Variants in VPS13C observed in about 807,000 individuals in gnomAD.
VPS13C encodes the protein intermembrane lipid transfer protein VPS13C.
VPS13C carries 358 observed loss-of-function variants against 456.8 expected under a neutral mutation model. The ratio of observed to expected loss-of-function variants is 0.78; its 90% CI spans 0.72 to 0.86. VPS13C has a LOEUF of 0.86. VPS13C is among the 40% of genes least tolerant of loss of function. The pLI, the probability that VPS13C is intolerant of heterozygous loss-of-function variation, is 0.00. For synonymous variants in VPS13C, 1,578 were observed against 1,486.7 expected (o/e 1.06, Z -1.41); for missense variants, 4,818 against 4,385.4 (o/e 1.10, Z -2.79).
chr15:61,929,941 G>A (rs373276339), intron 50 of VPS13C, among the ~76,000 whole-genome samples, 193 bp from the exon 51 acceptor site: 3 of 152,014 alleles, frequency 2.0e-5, no homozygotes, highest in East Asian at 3.9e-4. Flanking sequence ...CAAGATATAC[G>A]TTATTAAGCA....
intron 38 of VPS13C, 92 bp from the exon 39 acceptor site, chr15:61,952,072 G>T: frequency 7.0e-7 from 1 of 1,420,386 alleles, no homozygotes; most frequent in South Asian, 1.4e-5. Flanking sequence ...AGTGATATAA[G>T]GAAGAAATTC....
At chr15:61,883,425 T>G (rs1196910142) in intron 68 of VPS13C, among the ~76,000 whole-genome samples, 1 of 152,114 alleles carries the variant, frequency 6.6e-6, no homozygotes, top group Non-Finnish European at 1.5e-5. Flanking sequence ...TTTTATCATT[T>G]AAGTATGGCC....
chr15:62,057,547 A>G (rs2140818558), intron 1 of VPS13C, among the ~76,000 whole-genome samples: 1 of 152,352 alleles, frequency 6.6e-6, no homozygotes, highest in Non-Finnish European at 1.5e-5. Flanking sequence ...AAAGGCAGCA[A>G]AGCTTTACAG....
rs371752162 is a variant in VPS13C at position 61,931,071 on chromosome 15, A to G, written c.6038+19T>C. 2.5e-6 allele frequency: 4 copies of G among 1,613,622 alleles called. No homozygotes were observed. The highest frequency in any genetic ancestry group is 2.2e-5 in the South Asian group (2 of 91,062). ...ATGTCAACCTTAAATAATGTATTGC[A>G]AACTCAGAGCTGACAAACCTCGATG... On this transcript the variant is annotated intron_variant, in intron 50 of 84. Transcript: ENST00000644861.
intron 59 of VPS13C, 65 bp from the exon 60 acceptor site, chr15:61,917,700 A>T: frequency 6.6e-7 from 1 of 1,520,954 alleles, no homozygotes; most frequent in Non-Finnish European, 8.9e-7. Flanking sequence ...GCATCTCATT[A>T]AATCTTCCTG....
At position 62,043,976 on chromosome 15, in the gene VPS13C, GTCAAATTAGATCAACGAAAAACAC is replaced by G. The variant is rs1596526996; in HGVS notation, c.144+212_144+235del. 3.9e-5 allele frequency among the ~76,000 whole-genome samples: 6 copies of G among 152,060 alleles called. No homozygotes were observed. In the East Asian group the frequency reaches 9.6e-4, roughly 24 times the overall value. On this transcript the variant is annotated intron_variant, in intron 2 of 84. Transcript: ENST00000644861. Reference sequence around the variant, plus strand: ...AAAAAGTCAACTACAAAACTATACAGTCAAATTAGATCAACGAAAAACACTCCGTTTCCAAGAGATACTATTTTG... The same window carrying G: ...AAAAAGTCAACTACAAAACTATACAGTCCGTTTCCAAGAGATACTATTTTG...
intron 66 of VPS13C, among the ~76,000 whole-genome samples, chr15:61,895,868 G>A (rs1291801082): frequency 6.6e-6 from 1 of 152,202 alleles, no homozygotes; most frequent in East Asian, 1.9e-4. Flanking sequence ...CAGCAAGATA[G>A]GAGGAATCAG....
At chr15:61,936,165 G>A (rs1384787243) in intron 48 of VPS13C, among the ~76,000 whole-genome samples, 1 of 152,072 alleles carries the variant, frequency 6.6e-6, no homozygotes, top group African/African-American at 2.4e-5. Context: ...TTATGTATTT[G>A]AAACATAACG....
chr15:61,952,043 G>T, intron 38 of VPS13C, 63 bp from the exon 39 acceptor site: 1 of 1,545,788 alleles, frequency 6.5e-7, no homozygotes, highest in Non-Finnish European at 8.8e-7. Flanking sequence ...GGTAAGTCAA[G>T]AATTTAATAA....
At chr15:61,939,360 T>C (rs1475779750) in intron 47 of VPS13C, among the ~76,000 whole-genome samples, 1 of 152,236 alleles carries the variant, frequency 6.6e-6, no homozygotes, top group Non-Finnish European at 1.5e-5. Flanking sequence ...TTGTTCTTCA[T>C]GTAATATATC....
At chr15:61,930,945 C>G in intron 50 of VPS13C, 145 bp downstream of exon 50, 9 of 874,124 alleles carry the variant, frequency 1.0e-5, no homozygotes, top group Non-Finnish European at 1.6e-5. Context: ...GATATTAGCA[C>G]TACTTCTTAA....
intron 26 of VPS13C, 108 bp from the exon 27 acceptor site, chr15:61,972,872 C>A: frequency 8.2e-7 from 1 of 1,221,530 alleles, no homozygotes; most frequent in Admixed American, 2.5e-5. Flanking sequence ...TAGATATAAT[C>A]TTCATATTCA....
chr15:61,902,973 A>G (rs2043046272), intron 66 of VPS13C, among the ~76,000 whole-genome samples: 1 of 152,106 alleles, frequency 6.6e-6, no homozygotes, highest in South Asian at 2.1e-4. Context: ...TTAAAAAAAA[A>G]GAAAAAACCT....
intron 80 of VPS13C, among the ~76,000 whole-genome samples, 170 bp downstream of exon 80, chr15:61,869,328 AAT>A (rs112897505): frequency 2.8e-4 from 42 of 152,010 alleles, no homozygotes; most frequent in African/African-American, 1.0e-3. Flanking sequence ...ATGTTCGCAA[AAT>A]ATGTCTTTTC....
chr15:62,030,907 C>G (rs1047209287), intron 5 of VPS13C, among the ~76,000 whole-genome samples: 2 of 151,948 alleles, frequency 1.3e-5, no homozygotes, highest in Non-Finnish European at 2.9e-5. Flanking sequence ...GTCATTTTGG[C>G]AAAACTATTG....
At chr15:61,922,248 AC>A (rs1252288413) in intron 54 of VPS13C, 148 bp downstream of exon 54, 1 of 1,163,388 alleles carries the variant, frequency 8.6e-7, no homozygotes, top group Non-Finnish European at 1.2e-6. Flanking sequence ...TTATCAAAAA[AC>A]AATACATCGA....
chr15:61,997,372 T>G (rs938791702), intron 16 of VPS13C, among the ~76,000 whole-genome samples: 17 of 152,136 alleles, frequency 1.1e-4, no homozygotes, highest in African/African-American at 4.1e-4. Context: ...CTCTAGCTAT[T>G]CTAATTCCTG....
chr15:61,920,393 A>G (rs2043615030), intron 56 of VPS13C, 62 bp from the exon 57 acceptor site: 1 of 1,507,484 alleles, frequency 6.6e-7, no homozygotes, highest in African/African-American at 1.4e-5. Flanking sequence ...CCCAAAACCT[A>G]TACCATAATT....
In VPS13C at chr15:62,028,411, G is replaced by C; in HGVS notation, c.395C>G (p.Ser132Ter). ...LQKAAEKGTH[S>*]GEFIYGLENF... ...CTCCAAGCCATATATGAACTCCCCT[G>C]AATGTGTGCCTGCATCCCACATGGC... Residue 132 changes from serine (S) to a stop codon, truncating the protein, a stop_gained, in exon 6 of 85, where the codon TCA becomes TGA. Coordinates refer to ENST00000644861, the MANE Select transcript of VPS13C (RefSeq NM_020821.3). LOFTEE classifies it high-confidence loss of function. 6.2e-7 allele frequency: 1 copy of C among 1,612,946 alleles called. No homozygotes were observed. Among genetic ancestry groups the C allele is most frequent in the Non-Finnish European group, 8.5e-7 (1 of 1,179,218 alleles).
Sources: allele counts gnomAD v4.1 joint callset (sites outside exome capture counted in the v4.1 genomes callset), GRCh38; gene constraint gnomAD v4.1.1; transcripts MANE v1.5; gene names NCBI Gene and HGNC (gene_info 2026-07-23, HGNC 2026-07-21).